Variants in DNAJC9 observed in about 807,000 individuals in gnomAD.
DNAJC9 encodes dnaJ homolog subfamily C member 9.
Under a neutral mutation model 32.4 loss-of-function variants are expected in DNAJC9, and 18 were observed. The observed-to-expected ratio is 0.56, with a 90% CI of 0.38 to 0.82. The LOEUF (loss-of-function observed/expected upper bound fraction) is 0.82, where lower values mean the gene tolerates loss of function less well. Ranked by LOEUF, DNAJC9 falls within the 40% of genes least tolerant of loss-of-function variation. The probability of loss-of-function intolerance (pLI) is 0.00; values close to 1 mark genes in which losing one functional copy is unlikely to be tolerated. For missense variants in DNAJC9, 310 were observed against 321.8 expected (o/e 0.96, Z 0.28); for synonymous variants, 113 against 122.1 (o/e 0.93, Z 0.49).
intron 2 of DNAJC9, among the ~76,000 whole-genome samples, chr10:73,232,761 T>G (rs908216456): frequency 3.3e-5 from 5 of 152,260 alleles, no homozygotes; most frequent in African/African-American, 1.2e-4. Context: ...TAAGAACAGA[T>G]TCTCATGCCT....
intron 3 of DNAJC9, among the ~76,000 whole-genome samples, chr10:73,245,434 A>C (rs576520071): frequency 1.4e-5 from 2 of 146,434 alleles, no homozygotes; most frequent in South Asian, 4.5e-4. Context: ...GGGACCGCTA[A>C]GCTAAAGTTT....
rs2044014488 is a variant in DNAJC9, at chr10:73,246,697, G to C, written c.312C>G (p.Leu104=). 2 of 1,613,950 alleles carry C rather than the reference G, an allele frequency of 1.2e-6. No individual in the cohort carries two copies. The highest frequency in any genetic ancestry group is 4.5e-5 in the East Asian group (2 of 44,880). The change falls in exon 2 of 5, where the codon CTC becomes CTG. Residue 104 remains leucine (L), a synonymous_variant. Coordinates refer to ENST00000372950, the MANE Select transcript of DNAJC9 (RefSeq NM_015190.5). ...DRDWEAYWRL[L]FKKISLEDIQ... ...CTCCAGAGTCCTTTACCTTTTTAAA[G>C]AGTAGCCGCCAATACGCCTCCCAGT...
At chr10:73,236,708 G>A (rs995030186), downstream of DNAJC9, among the ~76,000 whole-genome samples, 3 of 150,436 alleles carry the variant, frequency 2.0e-5, no homozygotes, top group Admixed American at 6.6e-5. Context: ...CACTGTACCC[G>A]GCCTTTTTTT....
chr10:73,240,120 A>G (rs945760079), downstream of DNAJC9, among the ~76,000 whole-genome samples: 1 of 152,282 alleles, frequency 6.6e-6, no homozygotes, highest in Admixed American at 6.5e-5. Context: ...GGGTCTTGCT[A>G]TGTTGCCCAG....
chr10:73,244,846 A>C (rs1488379127), intron 3 of DNAJC9, among the ~76,000 whole-genome samples: 3 of 152,198 alleles, frequency 2.0e-5, no homozygotes, highest in Non-Finnish European at 4.4e-5. Context: ...ATGATGATAC[A>C]TTAGGACCCC....
chr10:73,232,837 C>G lies in DNAJC9; in HGVS notation n.147+11006G>C, dbSNP rs1009888808. 1.9e-5 allele frequency: 13 copies of G among 688,562 alleles called. No individual in the cohort carries two copies. In the East Asian group the frequency reaches 3.3e-4, roughly 17 times the overall value. 42.7% of individuals were successfully genotyped at this position (688,562 alleles called of 1,614,324 possible). On this transcript the variant is annotated intron_variant and non_coding_transcript_variant, in intron 2 of 2. Transcript: ENST00000469143. ...AGGTTTTTATTTTTGCTTTATTTCCCCCTAAATGTAGTTTCTAGTCTAAGG... is the reference window on the plus strand; with the variant it reads ...AGGTTTTTATTTTTGCTTTATTTCCGCCTAAATGTAGTTTCTAGTCTAAGG...
chr10:73,243,113 A>C lies in DNAJC9; in HGVS notation c.*287T>G, dbSNP rs999650480. The C allele has an allele frequency of 5.3e-6, 2 of 377,392 alleles. No homozygotes were observed. Among genetic ancestry groups the C allele is most frequent in the African/African-American group, 4.2e-5 (2 of 47,778 alleles). The allele number at this position is 377,392 out of a possible 1,614,324, so 23.4% of individuals were successfully genotyped here. On this transcript the variant is annotated 3_prime_UTR_variant, in exon 5 of 5. Coordinates refer to ENST00000372950, the MANE Select transcript of DNAJC9 (RefSeq NM_015190.5). The stretch of plus-strand genomic sequence containing the variant: ...TCCTAGATAAGAGTTCTGTGTACAG[A>C]AGATCCATGGAGGCAAGTGCTGTCA...
chr10:73,240,511 G>A (rs188615172), downstream of DNAJC9, among the ~76,000 whole-genome samples: 24 of 152,292 alleles, frequency 1.6e-4, no homozygotes, highest in East Asian at 1.2e-3. Context: ...AGCATATTGA[G>A]ACCATCCTGG....
At chr10:73,238,359 A>C (rs550008620), downstream of DNAJC9, among the ~76,000 whole-genome samples, 2 of 152,296 alleles carry the variant, frequency 1.3e-5, no homozygotes, top group South Asian at 4.1e-4. Context: ...CCCCACAAAA[A>C]AAAGAATGCT....
At chr10:73,243,588 A>C (rs1218812068) in intron 4 of DNAJC9, 69 bp from the exon 5 acceptor site, 11 of 1,589,836 alleles carry the variant, frequency 6.9e-6, no homozygotes, top group Non-Finnish European at 9.4e-6. Flanking sequence ...AGTGGTTGCC[A>C]GGGGCTGGAA....
downstream of DNAJC9, chr10:73,234,106 C>A (rs1055721875): frequency 2.0e-5 from 3 of 152,130 alleles, no homozygotes; most frequent in Admixed American, 6.5e-5. Flanking sequence ...TGATTAATTT[C>A]TAAAAATATC....
chr10:73,245,896 T>A (rs2044000995), intron 3 of DNAJC9, 26 bp downstream of exon 3: 2 of 1,600,964 alleles, frequency 1.2e-6, no homozygotes, highest in Non-Finnish European at 1.7e-6. Flanking sequence ...AGTCAAAATA[T>A]AAATCCACAG....
downstream of DNAJC9, chr10:73,235,135 C>T: frequency 1.3e-6 from 2 of 1,531,526 alleles, no homozygotes; most frequent in Middle Eastern, 1.7e-4. Flanking sequence ...AGGGTTTTAA[C>T]TACATACCAC....
downstream of DNAJC9, among the ~76,000 whole-genome samples, chr10:73,237,030 G>A (rs1425915727): frequency 6.6e-6 from 1 of 151,960 alleles, no homozygotes; most frequent in Non-Finnish European, 1.5e-5. Context: ...GTCTTTACAT[G>A]GCTTTCCTCC....
chr10:73,232,613 C>T (rs1288734322), intron 2 of DNAJC9, among the ~76,000 whole-genome samples: 2 of 152,184 alleles, frequency 1.3e-5, no homozygotes, highest in Non-Finnish European at 2.9e-5. Context: ...TTGGGAAGCA[C>T]TTTGGAGTAG....
At chr10:73,235,560 G>C, downstream of DNAJC9, 2 of 780,594 alleles carry the variant, frequency 2.6e-6, no homozygotes, top group South Asian at 3.9e-5. Context: ...CTTAAGATAT[G>C]TCTGACCACA....
In DNAJC9 at chr10:73,233,007, A is replaced by T. The variant is rs760240891; in HGVS notation, n.147+10836T>A. On this transcript the variant is annotated intron_variant and non_coding_transcript_variant, in intron 2 of 2. Transcript: ENST00000469143. Reference sequence around the variant, plus strand: ...ATCCTTTCAACTCGAAATTGGCCAAATCGAGCTGTGGAGTTTAGTACATCA... The same window carrying T: ...ATCCTTTCAACTCGAAATTGGCCAATTCGAGCTGTGGAGTTTAGTACATCA... 222 of 1,551,884 alleles carry T rather than the reference A, an allele frequency of 1.4e-4. No individual in the cohort carries two copies. Among genetic ancestry groups the T allele is most frequent in the Non-Finnish European group, 1.9e-4 (218 of 1,147,028 alleles).
chr10:73,234,862 G>T (rs61742710), downstream of DNAJC9: 1 of 1,551,616 alleles, frequency 6.4e-7, no homozygotes, highest in Non-Finnish European at 8.7e-7. Flanking sequence ...CGACGCCCCT[G>T]AGTCGAAATA....
chr10:73,243,794 C>T (rs2043978626), intron 4 of DNAJC9, 49 bp downstream of exon 4: 1 of 1,469,456 alleles, frequency 6.8e-7, no homozygotes, highest in South Asian at 1.2e-5. Context: ...AAAATATTAG[C>T]AGTAGGAATC....
Sources: gnomAD v4.1 joint callset for allele counts (sites outside exome capture counted in the v4.1 genomes callset) on GRCh38, gnomAD v4.1.1 for gene constraint, MANE v1.5 for transcripts, NCBI Gene and HGNC (gene_info 2026-07-23, HGNC 2026-07-21) for gene names.